Variants in HBP1 observed in about 807,000 individuals in gnomAD.
The protein encoded by HBP1 is HMG-box transcription factor 1.
A neutral mutation model predicts 62.6 loss-of-function variants in HBP1; 20 were observed. The observed-to-expected ratio is 0.32, with a 90% CI of 0.22 to 0.46. HBP1 has a LOEUF of 0.46. Ranked by LOEUF, HBP1 falls within the 20% of genes least tolerant of loss-of-function variation. The pLI is 1.00. For synonymous variants in HBP1, 232 were observed against 206.2 expected, an observed-to-expected ratio of 1.12 and a Z score of -1.07; for missense variants, 480 against 611.8, an observed-to-expected ratio of 0.78 and a Z score of 2.27.
rs956345886 is a variant in HBP1 at position 107,186,563 on chromosome 7, C to A, written c.653-6C>A. On this transcript the variant is annotated splice_polypyrimidine_tract_variant and splice_region_variant and intron_variant, in intron 5 of 10. Transcript: ENST00000222574. ...GTCTAATACGTGTTTTCTACCTAAA[C>A]CTTAGGCACACGACTGTGCTTTCAT... 25 of 1,602,098 alleles carry A rather than the reference C, an allele frequency of 1.6e-5. No individual in the cohort carries two copies. Among genetic ancestry groups the A allele is most frequent in the Non-Finnish European group, 1.7e-5 (20 of 1,169,850 alleles).
intron 1 of HBP1, chr7:107,174,434 C>G: frequency 1.0e-6 from 1 of 979,242 alleles, no homozygotes; most frequent in Non-Finnish European, 1.2e-6. Context: ...TGTCTTTTTC[C>G]AACTTCATTT....
In HBP1 at chr7:107,186,705, T is replaced by A. The variant is rs758391745; in HGVS notation, c.765+24T>A. 5.3e-5 allele frequency: 75 copies of A among 1,418,064 alleles called. No individual in the cohort carries two copies. The African/African-American group carries it at 8.4e-4, about 16-fold the overall frequency. 87.8% of individuals were successfully genotyped at this position (1,418,064 alleles called of 1,614,324 possible). ...AGGTTGATTTAAAATTCTTAAAAAA[T>A]TTTTCAAAATCTTTCCAAATGAAAC... On this transcript the variant is annotated intron_variant, in intron 6 of 10. Coordinates refer to ENST00000222574, the MANE Select transcript of HBP1 (RefSeq NM_012257.4).
intron 9 of HBP1, 99 bp from the exon 10 acceptor site, chr7:107,200,061 C>A: frequency 1.0e-6 from 1 of 958,908 alleles, no homozygotes; most frequent in Non-Finnish European, 1.5e-6. Flanking sequence ...AGATTTTCAT[C>A]TTTTTTAACT....
intron 1 of HBP1, among the ~76,000 whole-genome samples, chr7:107,170,320 G>A (rs868725577): frequency 1.3e-5 from 2 of 152,180 alleles, no homozygotes; most frequent in Non-Finnish European, 2.9e-5. Flanking sequence ...TAGTGGTTTT[G>A]AAATTAAAGG....
rs1562879618 is a variant in HBP1, at chr7:107,169,006, C to G, written c.-195C>G. The G allele has an allele frequency of 4.7e-6, 6 of 1,288,894 alleles. No homozygotes were observed. The highest frequency in any genetic ancestry group is 6.1e-6 in the Non-Finnish European group (6 of 988,462). 79.8% of individuals were successfully genotyped at this position (1,288,894 alleles called of 1,614,324 possible). On this transcript the variant is annotated 5_prime_UTR_variant, in exon 1 of 11. Coordinates refer to ENST00000222574, the MANE Select transcript of HBP1 (RefSeq NM_012257.4). ...GAGGGGGAAGACGAAGCTTGAAAGA[C>G]TTGGTAATGGCGACGGGTTTGGTAA...
intron 1 of HBP1, among the ~76,000 whole-genome samples, chr7:107,172,654 A>G (rs1203871270): frequency 1.3e-5 from 2 of 152,178 alleles, no homozygotes; most frequent in Non-Finnish European, 2.9e-5. Context: ...AATTACTAAG[A>G]ACTTGTATAG....
intron 9 of HBP1, 66 bp downstream of exon 9, chr7:107,196,217 G>A: frequency 2.2e-6 from 2 of 915,034 alleles, no homozygotes; most frequent in Admixed American, 1.8e-5. Flanking sequence ...ATGGTAACTG[G>A]AATAGTTAAG....
intron 4 of HBP1, 37 bp from the exon 5 acceptor site, chr7:107,186,324 A>G (rs758979287): frequency 8.0e-7 from 1 of 1,244,924 alleles, no homozygotes; most frequent in Non-Finnish European, 1.2e-6. Context: ...TATATTTTAA[A>G]AACAAATAAA....
rs1386916863 is a variant in HBP1, at chr7:107,202,003, T to G, written c.*572T>G. 6.6e-6 allele frequency: 1 copy of G among 152,648 alleles called. No homozygotes were observed. The highest frequency in any genetic ancestry group is 2.1e-4 in the South Asian group (1 of 4,826). The allele number at this position is 152,648 out of a possible 1,614,324, so 9.5% of individuals were successfully genotyped here. The stretch of plus-strand genomic sequence containing the variant: ...GGTGGCTGGTGTTGGTGTCCCAGCC[T>G]AAGAGCCACCTGCTGCAGTTACCAT... On this transcript the variant is annotated 3_prime_UTR_variant, in exon 11 of 11. Transcript: ENST00000222574.
chr7:107,200,291 G>A lies in HBP1; in HGVS notation c.1517G>A (p.Arg506Lys), dbSNP rs763755147. ...RLNPDCWKRK[R>K]TNSGSQQH ...AATCCTGACTGTTGGAAGAGGAAAA[G>A]AACCAATTCAGTATGTTTCAATAAA... Residue 506 changes from arginine (R) to lysine (K), a missense_variant, in exon 10 of 11, where the codon AGA (arginine) becomes AAA (lysine). By Grantham distance (26) the Arg-to-Lys change is conservative. Coordinates refer to ENST00000222574, the MANE Select transcript of HBP1 (RefSeq NM_012257.4). The A allele has an allele frequency of 2.5e-6, 4 of 1,612,416 alleles. No homozygotes were observed. The highest frequency in any genetic ancestry group is 2.5e-6 in the Non-Finnish European group (3 of 1,179,202).
chr7:107,171,069 A>AT (rs1292839546), intron 1 of HBP1, among the ~76,000 whole-genome samples: 9 of 72,382 alleles, frequency 1.2e-4, no homozygotes, highest in Admixed American at 8.0e-4. Context: ...ATATATATAT[A>AT]TATATTTTTT....
chr7:107,191,463 G>C (rs897513105), intron 8 of HBP1, among the ~76,000 whole-genome samples: 3 of 152,158 alleles, frequency 2.0e-5, no homozygotes, highest in Admixed American at 6.6e-5. Context: ...GTAAAGGTGA[G>C]TATTAGCAGT....
intron 9 of HBP1, among the ~76,000 whole-genome samples, chr7:107,199,843 T>C (rs1199018322): frequency 6.6e-6 from 1 of 152,252 alleles, no homozygotes; most frequent in Non-Finnish European, 1.5e-5. Context: ...TAGTAAGATA[T>C]GCATAGTTAA....
rs185298995 is a variant in HBP1 at position 107,178,831 on chromosome 7, G to C, written c.-15-1048G>C. 8.6e-3 allele frequency among the ~76,000 whole-genome samples: 1,312 copies of C among 152,192 alleles called. 24 individuals are homozygous for C. Among genetic ancestry groups the C allele is most frequent in the African/African-American group, 0.029 (1,197 of 41,502 alleles). On this transcript the variant is annotated intron_variant, in intron 1 of 10. Coordinates refer to ENST00000222574, the MANE Select transcript of HBP1 (RefSeq NM_012257.4). ...GTGGATCACCTGAGATCAGGAGTTT[G>C]AGACCAGCCTGGCCAACATGGTGAA...
At chr7:107,187,096 C>A (rs1797418242) in intron 6 of HBP1, among the ~76,000 whole-genome samples, 1 of 151,736 alleles carries the variant, frequency 6.6e-6, no homozygotes, top group Non-Finnish European at 1.5e-5. Context: ...ACTAAAAATA[C>A]AAAAAAATTA....
rs1798339597 is a variant in HBP1, at chr7:107,201,843, TTG to T, written c.*414_*415del. The T allele has an allele frequency of 1.3e-5, 2 of 157,252 alleles. No homozygotes were observed. The highest frequency in any genetic ancestry group is 2.8e-5 in the Non-Finnish European group (2 of 71,232). 9.7% of individuals were successfully genotyped at this position (157,252 alleles called of 1,614,324 possible). On this transcript the variant is annotated 3_prime_UTR_variant, in exon 11 of 11. Transcript: ENST00000222574. Reference sequence around the variant, plus strand: ...GCTCCTTACTGCTTATTAATCTGTATTGTACACATGATGAAATGAAGCAGAAG... The same window carrying T: ...GCTCCTTACTGCTTATTAATCTGTATTACACATGATGAAATGAAGCAGAAG...
intron 1 of HBP1, chr7:107,173,680 T>C (rs1252557906): frequency 6.6e-6 from 1 of 152,230 alleles, no homozygotes; most frequent in African/African-American, 2.4e-5. Flanking sequence ...TAAGATTTTG[T>C]GGATATTTGC....
intron 6 of HBP1, among the ~76,000 whole-genome samples, chr7:107,187,514 A>G (rs1411606167): frequency 6.6e-6 from 1 of 152,208 alleles, no homozygotes; most frequent in Non-Finnish European, 1.5e-5. Context: ...TGTAGGCAAG[A>G]AAATGGGCAT....
chr7:107,182,059 A>G (rs943574765), intron 2 of HBP1, among the ~76,000 whole-genome samples: 2 of 152,188 alleles, frequency 1.3e-5, no homozygotes, highest in African/African-American at 4.8e-5. Context: ...ATAACAGGTT[A>G]TTAAAGTATG....
Sources: allele counts gnomAD v4.1 joint callset (sites outside exome capture counted in the v4.1 genomes callset), GRCh38; gene constraint gnomAD v4.1.1; transcripts MANE v1.5; gene names NCBI Gene and HGNC (gene_info 2026-07-23, HGNC 2026-07-21).